ZWILCH: variants seen among roughly 807,000 people sequenced by gnomAD.
The protein encoded by ZWILCH is zwilch kinetochore protein, also known as protein zwilch homolog.
A neutral mutation model predicts 79.9 loss-of-function variants in ZWILCH; 74 were observed. The observed-to-expected ratio is 0.93, with a 90% CI of 0.77 to 1.12. The LOEUF is 1.12. ZWILCH is among the 50% of genes most tolerant of loss of function. ZWILCH has a pLI of 0.00. For missense variants in ZWILCH, 694 were observed against 687.5 expected (o/e 1.01, Z -0.11); for synonymous variants, 241 against 228.2 (o/e 1.06, Z -0.51).
At chr15:66,525,497 T>G (rs952122680) in intron 8 of ZWILCH, among the ~76,000 whole-genome samples, 6 of 152,200 alleles carry the variant, frequency 3.9e-5, no homozygotes, top group Non-Finnish European at 8.8e-5. Context: ...TATACAATTC[T>G]TTTCCTCCTT....
At position 66,539,558 on chromosome 15, in the gene ZWILCH, C is replaced by T. The variant is rs572720572; in HGVS notation, c.1575-540C>T. Reference sequence around the variant, plus strand: ...GTGGTAAAATCCTTTTTCCTAACTGCGCTCTGCCTCTGTTATCTTTCTTTT... The same window carrying T: ...GTGGTAAAATCCTTTTTCCTAACTGTGCTCTGCCTCTGTTATCTTTCTTTT... On this transcript the variant is annotated intron_variant, in intron 16 of 18. Transcript: ENST00000307897. Among the ~76,000 whole-genome samples the T allele has an allele frequency of 6.8e-4, 104 of 152,238 alleles. No homozygotes were observed. In the South Asian group the frequency reaches 7.3e-3, roughly 11 times the overall value.
At chr15:66,528,058 AG>A (rs1457002279) in intron 10 of ZWILCH, 146 bp downstream of exon 10, 2 of 457,512 alleles carry the variant, frequency 4.4e-6, no homozygotes, top group Non-Finnish European at 7.7e-6. Flanking sequence ...CTTTATTGTC[AG>A]CACTGGTTAT....
chr15:66,541,988 A>G (rs1291175452), intron 17 of ZWILCH, among the ~76,000 whole-genome samples: 1 of 152,238 alleles, frequency 6.6e-6, no homozygotes, highest in Non-Finnish European at 1.5e-5. Context: ...TAGTTGAACT[A>G]TAAAAGTCAT....
chr15:66,528,868 C>G lies in ZWILCH; in HGVS notation c.986C>G (p.Thr329Ser). The stretch of plus-strand genomic sequence containing the variant: ...CTTTTTCAGACCTTGAAGCATGACA[C>G]TGCTGCAGTCGATCGTTCCGTCAAG... ...DTEVETLKHD[T>S]AAVDRSVKRL... The change falls in exon 11 of 19, where the codon ACT becomes AGT. Residue 329 changes from threonine to serine, a missense_variant. Coordinates refer to ENST00000307897, the MANE Select transcript of ZWILCH (RefSeq NM_017975.5). 6.2e-7 allele frequency: 1 copy of G among 1,613,992 alleles called. No homozygotes were observed. The highest frequency in any genetic ancestry group is 2.2e-5 in the East Asian group (1 of 44,874).
chr15:66,532,969 T>G lies in ZWILCH; in HGVS notation c.1313-16T>G. Reference sequence around the variant, plus strand: ...TACCTGAAGTGTTTTTGCATGTATGTGTTTTTTCTTAATAGGTCAGGAACT... The same window carrying G: ...TACCTGAAGTGTTTTTGCATGTATGGGTTTTTTCTTAATAGGTCAGGAACT... On this transcript the variant is annotated splice_polypyrimidine_tract_variant and intron_variant, in intron 13 of 18. Coordinates refer to ENST00000307897, the MANE Select transcript of ZWILCH (RefSeq NM_017975.5). 1 of 1,552,236 alleles carries G rather than the reference T, an allele frequency of 6.4e-7. No individual in the cohort carries two copies. Among genetic ancestry groups the G allele is most frequent in the Non-Finnish European group, 8.7e-7 (1 of 1,144,634 alleles).
At chr15:66,525,970 G>A (rs1487596656) in intron 8 of ZWILCH, among the ~76,000 whole-genome samples, 2 of 151,654 alleles carry the variant, frequency 1.3e-5, no homozygotes, top group African/African-American at 4.8e-5. Context: ...CGCCACGTTG[G>A]CCAGGCTGGT....
intron 7 of ZWILCH, among the ~76,000 whole-genome samples, chr15:66,522,343 T>C (rs187777125): frequency 1.2e-3 from 182 of 151,558 alleles, no homozygotes; most frequent in African/African-American, 4.1e-3. Flanking sequence ...TTTTTTTTTT[T>C]TTTTTTCTGG....
intron 1 of ZWILCH, among the ~76,000 whole-genome samples, chr15:66,507,926 G>C (rs1464572378): frequency 2.1e-5 from 3 of 140,226 alleles, no homozygotes; most frequent in Non-Finnish European, 4.6e-5. Flanking sequence ...GCCACAGAGC[G>C]AGACTGCATC....
intron 12 of ZWILCH, among the ~76,000 whole-genome samples, chr15:66,531,930 A>T (rs1768991983): frequency 2.0e-5 from 3 of 152,140 alleles, no homozygotes; most frequent in Admixed American, 2.0e-4. Flanking sequence ...AGCCAGGTGC[A>T]GTGGCATGCT....
chr15:66,529,354 A>G (rs1166042272), intron 11 of ZWILCH, 140 bp from the exon 12 acceptor site: 1 of 487,594 alleles, frequency 2.1e-6, no homozygotes, highest in Non-Finnish European at 3.5e-6. Flanking sequence ...TTTTTTTGCC[A>G]CTTTAATTTC....
chr15:66,508,481 T>G (rs570514732), intron 1 of ZWILCH, among the ~76,000 whole-genome samples: 2 of 152,320 alleles, frequency 1.3e-5, no homozygotes, highest in Admixed American at 1.3e-4. Context: ...ATTTTTACTT[T>G]GAAAGGTCAT....
At chr15:66,530,197 G>T (rs1894815738) in intron 12 of ZWILCH, among the ~76,000 whole-genome samples, 1 of 152,174 alleles carries the variant, frequency 6.6e-6, no homozygotes, top group South Asian at 2.1e-4. Context: ...AAATGATGCT[G>T]ATAAATGATA....
Position 66,527,392 on chromosome 15 carries a change from C to T in ZWILCH, c.913+9C>T, listed in dbSNP as rs1217029623. On this transcript the variant is annotated intron_variant, in intron 9 of 18. Transcript: ENST00000307897. ...TCAGGAATTTCTGAATGGTGTATTACTTGTTTTATTAATTGAGAATTTATA... is the reference window on the plus strand; with the variant it reads ...TCAGGAATTTCTGAATGGTGTATTATTTGTTTTATTAATTGAGAATTTATA... 2.5e-6 allele frequency: 4 copies of T among 1,605,704 alleles called. No homozygotes were observed. The highest frequency in any genetic ancestry group is 3.4e-6 in the Non-Finnish European group (4 of 1,172,760).
intron 1 of ZWILCH, among the ~76,000 whole-genome samples, chr15:66,506,963 TCTCCTGCCTCAGCCTCC>T: frequency 6.6e-6 from 1 of 151,982 alleles, no homozygotes; most frequent in Middle Eastern, 3.4e-3. Flanking sequence ...CTCAAGCGAT[TCTCCTGCCTCAGCCTCC>T]CGAGTAGCTG....
chr15:66,528,784 T>C, intron 10 of ZWILCH, 68 bp from the exon 11 acceptor site: 1 of 1,367,758 alleles, frequency 7.3e-7, no homozygotes, highest in Admixed American at 1.8e-5. Context: ...CAGAGCAGCA[T>C]TTGAAGGCTT....
At chr15:66,510,014 TA>T (rs1893994558) in intron 2 of ZWILCH, among the ~76,000 whole-genome samples, 1 of 149,464 alleles carries the variant, frequency 6.7e-6, no homozygotes. Context: ...CCAGCTCTAC[TA>T]AAAAATACAA....
intron 7 of ZWILCH, among the ~76,000 whole-genome samples, chr15:66,521,826 A>G (rs1190240061): frequency 6.6e-6 from 1 of 152,080 alleles, no homozygotes; most frequent in Admixed American, 6.6e-5. Context: ...GGGTGGAGTT[A>G]TTGGTAACAC....
chr15:66,507,355 G>A (rs1183927845), intron 1 of ZWILCH, among the ~76,000 whole-genome samples: 1 of 152,062 alleles, frequency 6.6e-6, no homozygotes, highest in East Asian at 1.9e-4. Flanking sequence ...TTATCTAGTC[G>A]ATCCTCTTAT....
At chr15:66,519,657 T>C (rs575425296) in intron 5 of ZWILCH, among the ~76,000 whole-genome samples, 3 of 152,228 alleles carry the variant, frequency 2.0e-5, no homozygotes, top group East Asian at 3.9e-4. Context: ...GGTTACACCA[T>C]ATTGGTCAGG....
Sources: allele counts gnomAD v4.1 joint callset (sites outside exome capture counted in the v4.1 genomes callset), GRCh38; gene constraint gnomAD v4.1.1; transcripts MANE v1.5; gene names NCBI Gene and HGNC (gene_info 2026-07-23, HGNC 2026-07-21).